The following TMEM132D variants were observed in gnomAD, a reference collection of about 807,000 sequenced individuals.
The protein encoded by TMEM132D is transmembrane protein 132D.
Under a neutral mutation model 62.3 loss-of-function variants are expected in TMEM132D, and 21 were observed. That is an observed-to-expected ratio of 0.34 (90% CI 0.24 to 0.49). The LOEUF is 0.49. Ranked by LOEUF, TMEM132D falls within the 20% of genes least tolerant of loss-of-function variation. TMEM132D has a pLI of 0.99. For synonymous variants in TMEM132D, 621 were observed against 575.6 expected (o/e 1.08, Z -1.13); for missense variants, 1,346 against 1,402.8 (o/e 0.96, Z 0.65).
intron 2 of TMEM132D, 21 bp from the exon 3 acceptor site, chr12:129,531,226 G>T (rs1770578499): frequency 6.3e-7 from 1 of 1,595,638 alleles, no homozygotes; most frequent in Non-Finnish European, 8.6e-7. Context: ...CAGCACGTGT[G>T]GGTCTGAGTC....
chr12:129,148,677 G>A (rs781453811), intron 5 of TMEM132D, among the ~76,000 whole-genome samples: 1 of 152,184 alleles, frequency 6.6e-6, no homozygotes, highest in East Asian at 1.9e-4. Flanking sequence ...AAGCCAGCCT[G>A]TGTGTGGTTA....
chr12:129,398,598 A>G (rs6486464), intron 3 of TMEM132D, among the ~76,000 whole-genome samples: 12,109 of 152,250 alleles, frequency 0.08, 1,136 homozygotes, highest in African/African-American at 0.24. Context: ...TTGGCTATGC[A>G]TGATGAGGAT....
intron 1 of TMEM132D, among the ~76,000 whole-genome samples, chr12:129,735,378 T>C (rs1229499790): frequency 6.6e-6 from 1 of 152,232 alleles, no homozygotes; most frequent in Non-Finnish European, 1.5e-5. Context: ...AATTGTTGAA[T>C]AAAGTACAGT....
At chr12:129,589,532 T>C (rs927264844) in intron 2 of TMEM132D, among the ~76,000 whole-genome samples, 2 of 152,166 alleles carry the variant, frequency 1.3e-5, no homozygotes, top group African/African-American at 2.4e-5. Flanking sequence ...CTTCCAGCTG[T>C]CCTTCTTGCT....
intron 1 of TMEM132D, among the ~76,000 whole-genome samples, chr12:129,847,577 T>C (rs1374817072): frequency 6.6e-6 from 1 of 152,106 alleles, no homozygotes; most frequent in Non-Finnish European, 1.5e-5. Flanking sequence ...AAAAGGCATT[T>C]CCGAATATTA....
chr12:129,483,346 T>C (rs1008542229), intron 3 of TMEM132D, among the ~76,000 whole-genome samples: 2 of 152,174 alleles, frequency 1.3e-5, no homozygotes, highest in African/African-American at 4.8e-5. Context: ...GAAATTCTGT[T>C]TTAATTTGGA....
chr12:129,192,103 CA>C (rs1207130123), intron 5 of TMEM132D, among the ~76,000 whole-genome samples: 4 of 152,128 alleles, frequency 2.6e-5, no homozygotes, highest in Admixed American at 1.3e-4. Context: ...TGGTCTTCAC[CA>C]GGGCCTGAGT....
chr12:129,089,920 T>C (rs1301921857), intron 5 of TMEM132D, among the ~76,000 whole-genome samples: 4 of 152,258 alleles, frequency 2.6e-5, no homozygotes, highest in Non-Finnish European at 5.9e-5. Flanking sequence ...AGGGCTCTCT[T>C]GCAGTCTGCC....
intron 5 of TMEM132D, chr12:129,209,025 T>A (rs2135566100): frequency 6.5e-6 from 1 of 152,992 alleles, no homozygotes; most frequent in East Asian, 1.9e-4. Context: ...GGAGAATGAT[T>A]TCCTCTTCCT....
chr12:129,302,217 C>T (rs148189281), intron 4 of TMEM132D, among the ~76,000 whole-genome samples: 2,069 of 152,324 alleles, frequency 0.014, 35 homozygotes, highest in Middle Eastern at 0.037. Flanking sequence ...CAGGTTCAAG[C>T]GATTCTCCTG....
At chr12:129,778,704 G>T (rs1198979257) in intron 1 of TMEM132D, among the ~76,000 whole-genome samples, 1 of 152,220 alleles carries the variant, frequency 6.6e-6, no homozygotes. Context: ...ACCCCGGCAT[G>T]GTTGTATTTT....
At chr12:129,396,344 C>G (rs1291699979) in intron 3 of TMEM132D, among the ~76,000 whole-genome samples, 1 of 152,116 alleles carries the variant, frequency 6.6e-6, no homozygotes, top group African/African-American at 2.4e-5. Context: ...ACTACTAAAG[C>G]CCCCACATTG....
chr12:129,556,442 T>C (rs1877059760), intron 2 of TMEM132D, among the ~76,000 whole-genome samples: 1 of 151,070 alleles, frequency 6.6e-6, no homozygotes, highest in Non-Finnish European at 1.5e-5. Flanking sequence ...TCTTATCATG[T>C]CTTCCCCTGG....
intron 8 of TMEM132D, among the ~76,000 whole-genome samples, chr12:129,076,485 TA>T (rs1341853123): frequency 1.3e-5 from 2 of 152,206 alleles, no homozygotes; most frequent in Non-Finnish European, 2.9e-5. Flanking sequence ...TCTTTGGAAG[TA>T]AGAAGAAAGT....
chr12:129,167,815 T>G (rs1479369105), intron 5 of TMEM132D, among the ~76,000 whole-genome samples: 2 of 151,970 alleles, frequency 1.3e-5, no homozygotes, highest in African/African-American at 4.8e-5. Context: ...CCAGATTCAG[T>G]GTTTCTAAGA....
intron 2 of TMEM132D, among the ~76,000 whole-genome samples, chr12:129,591,074 T>C (rs1248918081): frequency 6.6e-6 from 1 of 152,040 alleles, no homozygotes; most frequent in East Asian, 1.9e-4. Context: ...ACAAAAGGAA[T>C]GAAGGCAGAA....
chr12:129,515,864 C>T (rs1875658643), intron 3 of TMEM132D, among the ~76,000 whole-genome samples: 1 of 152,186 alleles, frequency 6.6e-6, no homozygotes. Context: ...ATTTTTATTT[C>T]TGAAGGCTCC....
chr12:129,712,787 G>A (rs1363535703), intron 1 of TMEM132D, among the ~76,000 whole-genome samples: 4 of 152,148 alleles, frequency 2.6e-5, no homozygotes, highest in East Asian at 1.9e-4. Context: ...TGTGGGCTGC[G>A]TCCTCTCCTT....
At chr12:129,489,144 GAAAATT>G (rs1160056647) in intron 3 of TMEM132D, among the ~76,000 whole-genome samples, 1 of 152,166 alleles carries the variant, frequency 6.6e-6, no homozygotes, top group Non-Finnish European at 1.5e-5. Flanking sequence ...AACATTCTCC[GAAAATT>G]AAAATTATGT....
Sources: allele counts gnomAD v4.1 joint callset (sites outside exome capture counted in the v4.1 genomes callset), GRCh38; gene constraint gnomAD v4.1.1; transcripts MANE v1.5; gene names NCBI Gene and HGNC (gene_info 2026-07-23, HGNC 2026-07-21).